SPMIP11: variants seen among roughly 807,000 people sequenced by gnomAD.
SPMIP11 encodes the protein sperm microtubule inner protein 11, also known as long intergenic non-protein coding RNA 935.
At chr12:48,732,825 G>A in the SPMIP11 span, among the ~76,000 whole-genome samples, 11,212 of 146,682 alleles carry the variant, frequency 0.076, 610 homozygotes, top group African/African-American at 0.16. Flanking sequence ...CAGTCTAATC[G>A]TTTGTGAGTT....
At chr12:48,756,814 T>A in the SPMIP11 span, among the ~76,000 whole-genome samples, 1 of 151,028 alleles carries the variant, frequency 6.6e-6, no homozygotes, top group African/African-American at 2.4e-5. Flanking sequence ...TTCACTCTTG[T>A]CTCCCAGGCT....
At chr12:48,752,459 G>A in the SPMIP11 span, among the ~76,000 whole-genome samples, 23 of 152,178 alleles carry the variant, frequency 1.5e-4, no homozygotes, top group Admixed American at 1.2e-3. Flanking sequence ...GGAGATTCCT[G>A]TCCCTCCCAG....
chr12:48,732,874 C>T, the SPMIP11 span, among the ~76,000 whole-genome samples: 3 of 150,294 alleles, frequency 2.0e-5, no homozygotes, highest in Non-Finnish European at 4.4e-5. Context: ...GGAGCGGTGG[C>T]TCACTCCTGT....
At chr12:48,744,105 G>T in the SPMIP11 span, among the ~76,000 whole-genome samples, 4 of 151,350 alleles carry the variant, frequency 2.6e-5, no homozygotes, top group Non-Finnish European at 4.4e-5. Context: ...AAAAATAGCC[G>T]GGCATGGTGG....
the SPMIP11 span, among the ~76,000 whole-genome samples, chr12:48,743,721 C>T: frequency 1.3e-5 from 2 of 151,710 alleles, no homozygotes; most frequent in Admixed American, 6.6e-5. Flanking sequence ...GCGGGCGGAT[C>T]GCCTGAGGTC....
the SPMIP11 span, among the ~76,000 whole-genome samples, chr12:48,756,663 G>A: frequency 6.6e-6 from 1 of 152,070 alleles, no homozygotes; most frequent in African/African-American, 2.4e-5. Context: ...TTCCTGACAA[G>A]CATCCATAAT....
chr12:48,737,695 G>A, the SPMIP11 span, among the ~76,000 whole-genome samples: 7 of 152,178 alleles, frequency 4.6e-5, no homozygotes, highest in South Asian at 2.1e-4. Context: ...GATTACAGGC[G>A]TGAGCCACCG....
At chr12:48,762,261 T>C in the SPMIP11 span, among the ~76,000 whole-genome samples, 1 of 148,252 alleles carries the variant, frequency 6.7e-6, no homozygotes, top group Non-Finnish European at 1.5e-5. Flanking sequence ...GGTTTCACCG[T>C]GTTAGCTAGA....
At chr12:48,731,548 A>G in the SPMIP11 span, among the ~76,000 whole-genome samples, 1 of 152,124 alleles carries the variant, frequency 6.6e-6, no homozygotes, top group Non-Finnish European at 1.5e-5. Flanking sequence ...GGAGCTCACC[A>G]TTCACTGGCG....
chr12:48,751,406 G>T, the SPMIP11 span, among the ~76,000 whole-genome samples: 1 of 152,078 alleles, frequency 6.6e-6, no homozygotes, highest in South Asian at 2.1e-4. Context: ...TTGAGCCCAG[G>T]GGTCTGAGAC....
chr12:48,768,925 T>A, the SPMIP11 span: 1 of 1,600,732 alleles, frequency 6.2e-7, no homozygotes, highest in Non-Finnish European at 8.5e-7. Flanking sequence ...CCCCTGCTCA[T>A]ATCCCCCTCA....
At chr12:48,771,001 G>A in the SPMIP11 span, 1 of 1,604,950 alleles carries the variant, frequency 6.2e-7, no homozygotes. The surrounding 1 kb of genome is among the most constrained non-coding windows in gnomAD (Gnocchi z 4.3). Context: ...TGGCTGTCAA[G>A]GCAAAGACCC....
the SPMIP11 span, among the ~76,000 whole-genome samples, chr12:48,743,948 A>AAG: frequency 6.7e-6 from 1 of 149,610 alleles, no homozygotes; most frequent in African/African-American, 2.5e-5. Context: ...AAAAAAAAAA[A>AAG]AAAAAAAAAA....
At chr12:48,768,669 C>T in the SPMIP11 span, 1 of 1,614,168 alleles carries the variant, frequency 6.2e-7, no homozygotes, top group Non-Finnish European at 8.5e-7. Flanking sequence ...CTCGACACTC[C>T]AGCTGGTAGC....
chr12:48,761,133 C>A, the SPMIP11 span, among the ~76,000 whole-genome samples: 1 of 151,960 alleles, frequency 6.6e-6, no homozygotes. Flanking sequence ...CCAGCCTGGG[C>A]AACATGGTGA....
chr12:48,769,908 C>T, the SPMIP11 span, among the ~76,000 whole-genome samples: 2 of 151,646 alleles, frequency 1.3e-5, no homozygotes, highest in African/African-American at 4.8e-5. Flanking sequence ...ACTATAGGCG[C>T]CCACCACCAC....
the SPMIP11 span, among the ~76,000 whole-genome samples, chr12:48,749,931 T>C: frequency 2.0e-5 from 3 of 151,692 alleles, no homozygotes; most frequent in Non-Finnish European, 2.9e-5. Flanking sequence ...GACCTCGTGA[T>C]CCGCCTGCCT....
the SPMIP11 span, among the ~76,000 whole-genome samples, chr12:48,733,824 G>A: frequency 2.2e-5 from 3 of 135,216 alleles, no homozygotes; most frequent in African/African-American, 8.3e-5. Flanking sequence ...AGGCTGGAGT[G>A]CAGGGGCTCA....
At chr12:48,771,043 TGC>T in the SPMIP11 span, 29 of 1,467,920 alleles carry the variant, frequency 2.0e-5, no homozygotes, top group East Asian at 4.3e-4. This position sits in a 1 kb window ranked among gnomAD's most constrained non-coding sequence, Gnocchi z 4.3. Context: ...ACTCATTTCT[TGC>T]CACGCCTTGG....
Sources: allele counts gnomAD v4.1 joint callset (sites outside exome capture counted in the v4.1 genomes callset), GRCh38; gene constraint gnomAD v4.1.1; non-coding constraint Gnocchi (gnomAD v3.1); transcripts MANE v1.5; gene names NCBI Gene and HGNC (gene_info 2026-07-23, HGNC 2026-07-21).